RGS8: variants seen among roughly 807,000 people sequenced by gnomAD.
RGS8 encodes regulator of G protein signaling 8, also known as regulator of G-protein signaling 8.
In RGS8, 8 loss-of-function variants were observed where a neutral mutation model predicts 21.7. The ratio of observed to expected loss-of-function variants is 0.37; its 90% CI spans 0.22 to 0.66. RGS8 has a LOEUF of 0.66. RGS8 is among the 30% of genes least tolerant of loss of function. The pLI is 0.59. For missense variants in RGS8, 157 were observed against 217.9 expected (o/e 0.72, Z 1.76); for synonymous variants, 80 against 83.6 (o/e 0.96, Z 0.24).
chr1:182,683,096 C>T (rs995832165), intron 1 of RGS8, among the ~76,000 whole-genome samples: 3 of 152,204 alleles, frequency 2.0e-5, no homozygotes, highest in Admixed American at 6.5e-5. Flanking sequence ...CTTACCTTGA[C>T]CTGGCCATGG....
the RGS8 span, among the ~76,000 whole-genome samples, chr1:182,747,113 C>T: frequency 9.4e-6 from 1 of 105,942 alleles, no homozygotes; most frequent in East Asian, 3.3e-4. Context: ...ATTGCCCAGG[C>T]TGGTTCAAAC....
intron 5 of RGS8, among the ~76,000 whole-genome samples, chr1:182,661,754 T>C (rs1231067891): frequency 4.6e-5 from 7 of 151,950 alleles, no homozygotes. Context: ...TGAGGAAACT[T>C]TGCTCTCTTG....
At chr1:182,674,548 A>C (rs1425608791), upstream of RGS8, among the ~76,000 whole-genome samples, 1 of 152,208 alleles carries the variant, frequency 6.6e-6, no homozygotes, top group African/African-American at 2.4e-5. Flanking sequence ...GACGTAGTGC[A>C]GGCCCCGCTT....
intron 5 of RGS8, among the ~76,000 whole-genome samples, chr1:182,658,017 C>A (rs1206602108): frequency 6.6e-6 from 1 of 152,094 alleles, no homozygotes; most frequent in African/African-American, 2.4e-5. Flanking sequence ...TTTGTACGAC[C>A]CTTCAAGAAG....
downstream of RGS8, chr1:182,645,307 C>G (rs928571078): frequency 3.3e-5 from 5 of 152,248 alleles, no homozygotes; most frequent in African/African-American, 1.2e-4. Flanking sequence ...CCAATAGTAA[C>G]TCCACTCTGT....
At chr1:182,711,972 T>A in the RGS8 span, among the ~76,000 whole-genome samples, 1 of 152,204 alleles carries the variant, frequency 6.6e-6, no homozygotes, top group South Asian at 2.1e-4. Context: ...GTATGAATGA[T>A]AACAACAGTA....
At chr1:182,672,753 C>T, upstream of RGS8, 1 of 1,586,908 alleles carries the variant, frequency 6.3e-7, no homozygotes, top group Non-Finnish European at 8.7e-7. Flanking sequence ...TTTTGTTCTG[C>T]CCGATCTGCA....
At chr1:182,708,723 G>C in the RGS8 span, among the ~76,000 whole-genome samples, 1 of 152,218 alleles carries the variant, frequency 6.6e-6, no homozygotes, top group Non-Finnish European at 1.5e-5. Flanking sequence ...AGTTTGCGGA[G>C]TAAGTTTGGG....
At chr1:182,702,157 C>G in the RGS8 span, among the ~76,000 whole-genome samples, 90 of 152,310 alleles carry the variant, frequency 5.9e-4, no homozygotes, top group Middle Eastern at 0.01. Context: ...AAGGACTCAA[C>G]CCAGGTGCCC....
At chr1:182,744,623 C>T in the RGS8 span, among the ~76,000 whole-genome samples, 1 of 152,204 alleles carries the variant, frequency 6.6e-6, no homozygotes, top group Non-Finnish European at 1.5e-5. Context: ...GACAAAAATA[C>T]CACTGTGTTA....
chr1:182,732,219 G>GCTCTCTCTCTTT, the RGS8 span, among the ~76,000 whole-genome samples: 7 of 151,048 alleles, frequency 4.6e-5, no homozygotes, highest in Admixed American at 1.3e-4. Flanking sequence ...CAGAACAAGC[G>GCTCTCTCTCTTT]CTCTCTCTCT....
rs746529180 is a variant in RGS8, at chr1:182,671,750, T to C, written c.-177-20A>G. ...GGTGTTCTGGGGAAAAAGTAGATCT[T>C]TCTTTTAGCAGTCAAATCCTCGGCG... On this transcript the variant is annotated intron_variant, in intron 1 of 6. Transcript: ENST00000483095. 1 of 1,613,914 alleles carries C rather than the reference T, an allele frequency of 6.2e-7. No individual in the cohort carries two copies. Among genetic ancestry groups the C allele is most frequent in the East Asian group, 2.2e-5 (1 of 44,866 alleles).
chr1:182,714,244 A>G, the RGS8 span: 9 of 152,308 alleles, frequency 5.9e-5, no homozygotes, highest in East Asian at 1.5e-3. Flanking sequence ...TTTCTTTCAT[A>G]AAACTATCTG....
chr1:182,693,002 T>C, the RGS8 span, among the ~76,000 whole-genome samples: 2 of 152,214 alleles, frequency 1.3e-5, no homozygotes, highest in Non-Finnish European at 2.9e-5. Context: ...GACTTAAATA[T>C]AAAACCTAAA....
intron 4 of RGS8, 38 bp downstream of exon 5, chr1:182,666,834 G>C: frequency 6.8e-7 from 1 of 1,479,700 alleles, no homozygotes; most frequent in Non-Finnish European, 9.5e-7. Flanking sequence ...ATGACTTGCT[G>C]TATTACCCAG....
chr1:182,745,996 T>C, the RGS8 span, among the ~76,000 whole-genome samples: 767 of 152,346 alleles, frequency 5.0e-3, 4 homozygotes, highest in African/African-American at 0.015. Flanking sequence ...CCTGACCTTC[T>C]TTTAGTCCAA....
At chr1:182,685,188 C>A (rs879213048), upstream of RGS8, among the ~76,000 whole-genome samples, 1 of 152,268 alleles carries the variant, frequency 6.6e-6, no homozygotes, top group South Asian at 2.1e-4. Context: ...ACTGTCCCCT[C>A]GACCACCTGC....
At chr1:182,707,907 C>T in the RGS8 span, among the ~76,000 whole-genome samples, 2 of 152,004 alleles carry the variant, frequency 1.3e-5, no homozygotes, top group Admixed American at 1.3e-4. Context: ...AGGGTTTCAC[C>T]GTGTTAGCCA....
At chr1:182,673,365 A>G (rs1479545465), upstream of RGS8, among the ~76,000 whole-genome samples, 4 of 152,188 alleles carry the variant, frequency 2.6e-5, no homozygotes, top group Admixed American at 1.3e-4. Flanking sequence ...AAGGTGATGT[A>G]CCTTTATCAA....
Sources: allele counts gnomAD v4.1 joint callset (sites outside exome capture counted in the v4.1 genomes callset), GRCh38; gene constraint gnomAD v4.1.1; transcripts MANE v1.5; gene names NCBI Gene and HGNC (gene_info 2026-07-23, HGNC 2026-07-21).